Variants in PPP1R9A observed in about 807,000 individuals in gnomAD.
The protein encoded by PPP1R9A is neurabin-1.
In PPP1R9A, 59 loss-of-function variants were observed where a neutral mutation model predicts 141.9. The observed-to-expected ratio is 0.42, with a 90% CI of 0.34 to 0.52. The LOEUF is 0.52. Ranked by LOEUF, PPP1R9A falls within the 20% of genes least tolerant of loss-of-function variation. PPP1R9A has a pLI of 0.10. For missense variants in PPP1R9A, 1,444 were observed against 1,611.9 expected (o/e 0.90, Z 1.78); for synonymous variants, 500 against 569.7 (o/e 0.88, Z 1.74).
chr7:95,047,372 T>C (rs1810173590), intron 2 of PPP1R9A, among the ~76,000 whole-genome samples: 1 of 152,214 alleles, frequency 6.6e-6, no homozygotes, highest in African/African-American at 2.4e-5. Context: ...TGACAAAATC[T>C]ATCATTTTCT....
rs1037279247 is a variant in PPP1R9A, at chr7:95,154,697, G to C, written c.1650-7170G>C. 37 of 149,318 alleles carry C rather than the reference G, an allele frequency of 2.5e-4. 1 individual carries two copies. Among genetic ancestry groups the C allele is most frequent in the African/African-American group, 9.5e-4 (37 of 38,862 alleles). 9.2% of individuals were successfully genotyped at this position (149,318 alleles called of 1,614,324 possible). On this transcript the variant is annotated intron_variant, in intron 4 of 19. Transcript: ENST00000433360. ...GGAAAATACTTCATACAGAATGAGA[G>C]AGAATGACTTCTGAGTTATAGCAAC...
At position 94,910,894 on chromosome 7, in the gene PPP1R9A, T is replaced by C. The variant is rs372349876; in HGVS notation, c.781T>C (p.Ser261Pro). The C allele has an allele frequency of 6.2e-7, 1 of 1,614,020 alleles. No homozygotes were observed. Among genetic ancestry groups the C allele is most frequent in the South Asian group, 1.1e-5 (1 of 91,086 alleles). ...HLKDSNSWPP[S>P]NKRGVDTEDA... ...GAAGGATTCTAATTCCTGGCCTCCTTCAAACAAGCGAGGTGTTGATACAGA... is the reference window on the plus strand; with the variant it reads ...GAAGGATTCTAATTCCTGGCCTCCTCCAAACAAGCGAGGTGTTGATACAGA... The change falls in exon 2 of 20, where the codon TCA becomes CCA. Residue 261 changes from serine (S) to proline (P), a missense_variant. Coordinates refer to ENST00000433360, the MANE Select transcript of PPP1R9A (RefSeq NM_001166160.2). This position sits in a 1 kb window ranked among gnomAD's most constrained non-coding sequence, Gnocchi z 4.5.
chr7:95,055,131 G>A (rs1811340793), intron 2 of PPP1R9A, among the ~76,000 whole-genome samples: 1 of 152,128 alleles, frequency 6.6e-6, no homozygotes, highest in South Asian at 2.1e-4. Context: ...GAGATAATAT[G>A]TGCATTGCTC....
intron 8 of PPP1R9A, among the ~76,000 whole-genome samples, chr7:95,236,925 T>C (rs1212366736): frequency 6.6e-6 from 1 of 151,584 alleles, no homozygotes; most frequent in Non-Finnish European, 1.5e-5. Flanking sequence ...AAGAATGATA[T>C]AGTGTTTTTT....
intron 5 of PPP1R9A, among the ~76,000 whole-genome samples, chr7:95,163,612 G>C (rs1214282713): frequency 6.6e-6 from 1 of 152,140 alleles, no homozygotes; most frequent in Admixed American, 6.5e-5. Flanking sequence ...TATTTCCTTT[G>C]GGTGTCATGT....
intron 16 of PPP1R9A, among the ~76,000 whole-genome samples, chr7:95,276,825 A>G (rs1803302265): frequency 6.6e-6 from 1 of 152,234 alleles, no homozygotes; most frequent in African/African-American, 2.4e-5. Context: ...GAGCTGCTAT[A>G]GTAATTGGTT....
At chr7:95,089,669 G>T (rs1451353406) in intron 2 of PPP1R9A, among the ~76,000 whole-genome samples, 4 of 151,392 alleles carry the variant, frequency 2.6e-5, no homozygotes, top group Admixed American at 2.6e-4. Context: ...TTAGGTAATT[G>T]CTCAGCTCCC....
intron 2 of PPP1R9A, among the ~76,000 whole-genome samples, chr7:94,940,487 G>A (rs1795223100): frequency 6.6e-6 from 1 of 151,678 alleles, no homozygotes; most frequent in Non-Finnish European, 1.5e-5. Context: ...CTAGATCTGT[G>A]AGCCAAAGAT....
At chr7:95,286,514 A>G (rs1194360473) in intron 18 of PPP1R9A, among the ~76,000 whole-genome samples, 189 bp downstream of exon 18, 1 of 152,158 alleles carries the variant, frequency 6.6e-6, no homozygotes, top group Non-Finnish European at 1.5e-5. Context: ...TCTTGTTCTT[A>G]AGCTTTCCAG....
At chr7:95,253,181 G>A (rs1204623943) in intron 12 of PPP1R9A, among the ~76,000 whole-genome samples, 3 of 152,234 alleles carry the variant, frequency 2.0e-5, no homozygotes, top group Non-Finnish European at 2.9e-5. Context: ...GTAGTCCCTG[G>A]AAAATGAAAA....
At chr7:95,124,923 T>C (rs1823296851) in intron 4 of PPP1R9A, among the ~76,000 whole-genome samples, 1 of 152,056 alleles carries the variant, frequency 6.6e-6, no homozygotes, top group Non-Finnish European at 1.5e-5. Flanking sequence ...ACATTTTGAG[T>C]AGTTTAAAAA....
rs1198435104 is a variant in PPP1R9A at position 95,269,493 on chromosome 7, T to C, written c.3110T>C (p.Ile1037Thr). The C allele has an allele frequency of 1.3e-6, 2 of 1,572,852 alleles. No individual in the cohort carries two copies. Among genetic ancestry groups the C allele is most frequent in the Non-Finnish European group, 1.7e-6 (2 of 1,157,530 alleles). Reference sequence around the variant, plus strand: ...CATCACCAAACCACCAACAAGAAAATATTACGAGAAAAAGGTATTGTTAAT... The same window carrying C: ...CATCACCAAACCACCAACAAGAAAACATTACGAGAAAAAGGTATTGTTAAT... The part of the protein sequence containing the change: ...PCHHQTTNKK[I>T]LREKDDAKDP... Residue 1037 changes from isoleucine (I) to threonine (T), a missense_variant, in exon 14 of 20, where the codon ATA becomes ACA. Ile to Thr is a moderately conservative substitution (Grantham distance 89). Around this residue, in one of 5 missense-constraint regions of PPP1R9A, gnomAD observed 459 missense variants for 513.8 expected, o/e 0.89. Coordinates refer to ENST00000433360, the MANE Select transcript of PPP1R9A (RefSeq NM_001166160.2).
chr7:95,275,237 G>A (rs538111685), intron 16 of PPP1R9A, among the ~76,000 whole-genome samples: 4 of 151,750 alleles, frequency 2.6e-5, no homozygotes, highest in South Asian at 4.2e-4. Context: ...GCGAAACCCC[G>A]TCTCTACCAA....
chr7:95,183,185 T>G (rs1410651288), intron 5 of PPP1R9A, among the ~76,000 whole-genome samples: 3 of 152,068 alleles, frequency 2.0e-5, no homozygotes, highest in Non-Finnish European at 2.9e-5. Flanking sequence ...TTACCCAGGC[T>G]AGAGTGCAGT....
intron 4 of PPP1R9A, among the ~76,000 whole-genome samples, chr7:95,128,577 G>T (rs941856733): frequency 6.7e-6 from 1 of 148,840 alleles, no homozygotes; most frequent in Non-Finnish European, 1.5e-5. Flanking sequence ...TCGTTTGTTT[G>T]TTTGTTTGTT....
At chr7:95,031,504 G>A (rs922603865) in intron 2 of PPP1R9A, among the ~76,000 whole-genome samples, 5 of 152,062 alleles carry the variant, frequency 3.3e-5, no homozygotes, top group African/African-American at 9.7e-5. Flanking sequence ...CCTGTAATCC[G>A]AGTACTTTAG....
At chr7:95,201,760 T>A (rs1156791205) in intron 6 of PPP1R9A, among the ~76,000 whole-genome samples, 1 of 152,166 alleles carries the variant, frequency 6.6e-6, no homozygotes, top group Non-Finnish European at 1.5e-5. Flanking sequence ...TCACTTGGTT[T>A]TTTTACTTTT....
Position 95,223,014 on chromosome 7 carries a change from G to A in PPP1R9A, c.1957-2947G>A, listed in dbSNP as rs115103889. Among the ~76,000 whole-genome samples, 1,403 of 152,038 alleles carry A rather than the reference G, an allele frequency of 9.2e-3. 20 individuals are homozygous for A. Among genetic ancestry groups the A allele is most frequent in the African/African-American group, 0.032 (1,349 of 41,508 alleles). ...ATGTATCATCCTAAAGCCTATTTAAGGTTGGAATGGCAAATGATCAGCAAG... is the reference window on the plus strand; with the variant it reads ...ATGTATCATCCTAAAGCCTATTTAAAGTTGGAATGGCAAATGATCAGCAAG... On this transcript the variant is annotated intron_variant, in intron 7 of 19. Coordinates refer to ENST00000433360, the MANE Select transcript of PPP1R9A (RefSeq NM_001166160.2).
chr7:95,191,284 A>G (rs943453240), intron 5 of PPP1R9A, among the ~76,000 whole-genome samples: 3 of 152,180 alleles, frequency 2.0e-5, no homozygotes, highest in African/African-American at 7.2e-5. Flanking sequence ...TCTCAACATG[A>G]AGGGGAGAGA....
Sources: allele counts gnomAD v4.1 joint callset (sites outside exome capture counted in the v4.1 genomes callset), GRCh38; gene constraint gnomAD v4.1.1; regional missense constraint gnomAD v4.1.1; non-coding constraint Gnocchi (gnomAD v3.1); transcripts MANE v1.5; gene names NCBI Gene and HGNC (gene_info 2026-07-23, HGNC 2026-07-21).